The following IL1RAPL1 variants were observed in gnomAD, a reference collection of about 807,000 sequenced individuals.
IL1RAPL1 encodes the protein interleukin 1 receptor accessory protein like 1, also known as interleukin-1 receptor accessory protein-like 1.
In IL1RAPL1, 3 loss-of-function variants were observed where a neutral mutation model predicts 48.4. The observed-to-expected ratio is 0.06, with a 90% CI of 0.03 to 0.16. The LOEUF (loss-of-function observed/expected upper bound fraction) is 0.16. Ranked by LOEUF, IL1RAPL1 falls within the 10% of genes least tolerant of loss-of-function variation. The pLI is 1.00. For missense variants in IL1RAPL1, 349 were observed against 530.6 expected, an observed-to-expected ratio of 0.66 and a Z score of 3.36; for synonymous variants, 185 against 187.7, an observed-to-expected ratio of 0.99 and a Z score of 0.12.
In IL1RAPL1 at chrX:29,330,443, G is replaced by A. The variant is rs913004809; in HGVS notation, c.362+47226G>A. ...AGAAAAGACAGGCGTGGCAGGCGGC[G>A]TCTTTAAATCTGTTCCTTGGACTTC... On this transcript the variant is annotated intron_variant, in intron 3 of 10. Transcript: ENST00000378993. Among the ~76,000 whole-genome samples, 46 of 111,519 alleles carry A rather than the reference G, an allele frequency of 4.1e-4. 1 individual carries two copies. Among genetic ancestry groups the A allele is most frequent in the Non-Finnish European group, 1.1e-4 (6 of 53,126 alleles).
intron 6 of IL1RAPL1, among the ~76,000 whole-genome samples, chrX:29,906,356 A>ACAACAAC (rs1569199584): frequency 1.8e-4 from 17 of 95,982 alleles, no homozygotes; most frequent in Non-Finnish European, 2.0e-5. Context: ...CAAACAACAA[A>ACAACAAC]AAAAAAAACA....
chrX:29,480,379 C>T (rs181766798), intron 5 of IL1RAPL1, among the ~76,000 whole-genome samples: 1,041 of 103,648 alleles, frequency 0.01, 8 homozygotes, highest in Non-Finnish European at 0.016. Flanking sequence ...CTCACAACAT[C>T]GGTTATAACC....
intron 5 of IL1RAPL1, among the ~76,000 whole-genome samples, chrX:29,633,966 G>A (rs141338963): frequency 0.01 from 1,156 of 111,253 alleles, 13 homozygotes; most frequent in African/African-American, 0.035. Context: ...TGCCATTTTG[G>A]GGGCTACTAA....
chrX:29,829,373 TC>T (rs766380224), intron 6 of IL1RAPL1, among the ~76,000 whole-genome samples: 3 of 111,553 alleles, frequency 2.7e-5, no homozygotes, highest in Non-Finnish European at 5.6e-5. Flanking sequence ...AGGACATGTT[TC>T]CTCATCTTCA....
At chrX:29,942,212 A>G (rs1933142082) in intron 9 of IL1RAPL1, among the ~76,000 whole-genome samples, 2 of 111,913 alleles carry the variant, frequency 1.8e-5, no homozygotes, top group Non-Finnish European at 3.8e-5. Context: ...GTTTAGACTG[A>G]TCCGTTATAA....
intron 2 of IL1RAPL1, among the ~76,000 whole-genome samples, chrX:29,173,989 C>T (rs1169222206): frequency 5.5e-5 from 6 of 109,803 alleles, no homozygotes; most frequent in African/African-American, 2.0e-4. Flanking sequence ...GGAACGATCT[C>T]GGCTCACTAC....
At position 28,661,439 on chromosome X, in the gene IL1RAPL1, A is replaced by C. The variant is rs1043826659; in HGVS notation, c.-25+73392A>C. 2.7e-5 allele frequency among the ~76,000 whole-genome samples: 3 copies of C among 111,702 alleles called. No individual in the cohort carries two copies. The East Asian group carries it at 8.4e-4, about 31-fold the overall frequency. ...CAATTTTTATTCTAAATATTTTTGC[A>C]TAGTGGGAATTTGTTATGTTAAATA... On this transcript the variant is annotated intron_variant, in intron 1 of 10. Transcript: ENST00000378993.
intron 2 of IL1RAPL1, among the ~76,000 whole-genome samples, chrX:29,253,150 A>T (rs1382096712): frequency 1.8e-5 from 2 of 111,336 alleles, no homozygotes; most frequent in Non-Finnish European, 3.8e-5. Flanking sequence ...ATAAAAATAG[A>T]TAAACCCAAG....
intron 5 of IL1RAPL1, among the ~76,000 whole-genome samples, chrX:29,495,710 C>T (rs756787666): frequency 8.9e-6 from 1 of 111,958 alleles, no homozygotes; most frequent in South Asian, 3.7e-4. Flanking sequence ...GAGCCCTCGG[C>T]CAGGTTCTCG....
At chrX:29,559,853 T>A (rs946740073) in intron 5 of IL1RAPL1, among the ~76,000 whole-genome samples, 7 of 111,752 alleles carry the variant, frequency 6.3e-5, no homozygotes, top group African/African-American at 2.3e-4. Context: ...TATCATATAT[T>A]CATTAAGAAA....
chrX:29,303,468 T>G (rs1158660274), intron 3 of IL1RAPL1, among the ~76,000 whole-genome samples: 1 of 111,974 alleles, frequency 8.9e-6, no homozygotes, highest in African/African-American at 3.2e-5. Context: ...ATTGTATCTA[T>G]TTTAGAAAAG....
At position 29,568,471 on chromosome X, in the gene IL1RAPL1, G is replaced by A. The variant is rs371767866; in HGVS notation, c.704-99959G>A. ...ATAATTATACCAATTGTGTACACAG[G>A]AGCTTTTTGAGAAAAAAGTAGCGGA... is the stretch of plus-strand genomic sequence containing the variant. On this transcript the variant is annotated intron_variant, in intron 5 of 10. Transcript: ENST00000378993. Among the ~76,000 whole-genome samples the A allele has an allele frequency of 4.5e-5, 5 of 110,327 alleles. No homozygotes were observed. In the South Asian group the frequency reaches 1.5e-3, roughly 34 times the overall value.
intron 6 of IL1RAPL1, among the ~76,000 whole-genome samples, chrX:29,803,178 TA>T (rs1288071993): frequency 9.2e-5 from 4 of 43,384 alleles, no homozygotes; most frequent in Non-Finnish European, 1.7e-4. Flanking sequence ...TATGCATACA[TA>T]TATGTATATA....
intron 1 of IL1RAPL1, among the ~76,000 whole-genome samples, chrX:28,605,031 G>A (rs1379044486): frequency 9.0e-6 from 1 of 110,725 alleles, no homozygotes; most frequent in Admixed American, 9.7e-5. Context: ...CTGGCTTTGG[G>A]GACAGCACAA....
intron 3 of IL1RAPL1, among the ~76,000 whole-genome samples, chrX:29,334,158 G>A (rs1932936670): frequency 2.9e-5 from 2 of 69,286 alleles, no homozygotes; most frequent in Admixed American, 2.8e-4. Flanking sequence ...GGGCAGAGGC[G>A]CCCCTCACCT....
chrX:28,705,981 G>T (rs908486015), intron 1 of IL1RAPL1, among the ~76,000 whole-genome samples: 1 of 111,869 alleles, frequency 8.9e-6, no homozygotes, highest in African/African-American at 3.2e-5. Context: ...AACCTGTAAA[G>T]TGCCATACTG....
chrX:28,604,033 T>C (rs781215384), intron 1 of IL1RAPL1, among the ~76,000 whole-genome samples: 6 of 112,417 alleles, frequency 5.3e-5, no homozygotes, highest in Admixed American at 9.4e-5. Flanking sequence ...TCTGACAGTA[T>C]GTTTTTAAGG....
intron 1 of IL1RAPL1, among the ~76,000 whole-genome samples, chrX:28,726,486 A>C (rs1237665103): frequency 8.9e-6 from 1 of 112,376 alleles, no homozygotes; most frequent in African/African-American, 3.2e-5. Context: ...ATATTTTTGT[A>C]GTGACTGTTG....
rs1245305604 is a variant in IL1RAPL1, at chrX:28,587,529, C to T, written c.-543C>T. The T allele has an allele frequency of 1.8e-5, 2 of 109,914 alleles. No homozygotes were observed. Among genetic ancestry groups the T allele is most frequent in the Non-Finnish European group, 3.8e-5 (2 of 52,825 alleles). The allele number at this position is 109,914 out of a possible 1,213,427, so 9.1% of individuals were successfully genotyped here. ...AGGATTCTTTCTTATGGCTGCATCC[C>T]GGATCTGGAAATTTTACTTGGGGAC... On this transcript the variant is annotated 5_prime_UTR_variant, in exon 1 of 11. Transcript: ENST00000378993.
Sources: allele counts gnomAD v4.1 joint callset (sites outside exome capture counted in the v4.1 genomes callset), GRCh38; gene constraint gnomAD v4.1.1; transcripts MANE v1.5; gene names NCBI Gene and HGNC (gene_info 2026-07-23, HGNC 2026-07-21).